Variants in ATP10B observed in about 807,000 individuals in gnomAD.
ATP10B encodes ATPase phospholipid transporting 10B (putative).
A neutral mutation model predicts 141.2 loss-of-function variants in ATP10B; 122 were observed. The observed-to-expected ratio is 0.86, with a 90% CI of 0.75 to 1.00. The LOEUF (loss-of-function observed/expected upper bound fraction) is 1.00. Among genes scored for constraint, ATP10B ranks in the 50% least tolerant of loss-of-function variants. ATP10B has a pLI of 0.00. For synonymous variants in ATP10B, 685 were observed against 692.0 expected, an observed-to-expected ratio of 0.99 and a Z score of 0.16; for missense variants, 1,876 against 1,825.3, an observed-to-expected ratio of 1.03 and a Z score of -0.51.
chr5:160,927,257 A>G, the ATP10B span, among the ~76,000 whole-genome samples: 2 of 152,210 alleles, frequency 1.3e-5, no homozygotes, highest in South Asian at 4.1e-4. Context: ...GGCTTGATAA[A>G]GCAGGGTAAA....
chr5:160,813,144 G>C (rs1773294231), intron 1 of ATP10B, among the ~76,000 whole-genome samples: 1 of 152,230 alleles, frequency 6.6e-6, no homozygotes, highest in Non-Finnish European at 1.5e-5. Context: ...ATGCAGGACA[G>C]TGGGTGCAGT....
intron 22 of ATP10B, among the ~76,000 whole-genome samples, chr5:160,592,839 C>T (rs535129314): frequency 1.3e-3 from 200 of 152,310 alleles, no homozygotes; most frequent in African/African-American, 2.5e-3. Context: ...GATCAAACTG[C>T]AAGGCAGCAG....
At chr5:160,609,498 C>T (rs910309444) in intron 18 of ATP10B, among the ~76,000 whole-genome samples, 2 of 151,994 alleles carry the variant, frequency 1.3e-5, no homozygotes, top group Non-Finnish European at 2.9e-5. Context: ...CATGCCTCAG[C>T]CTCCCAAGTA....
chr5:160,756,543 GT>G (rs985112908), intron 2 of ATP10B, among the ~76,000 whole-genome samples: 2 of 152,114 alleles, frequency 1.3e-5, no homozygotes, highest in African/African-American at 4.8e-5. Flanking sequence ...TTGGTATAGT[GT>G]TTTTAATTTT....
intron 7 of ATP10B, among the ~76,000 whole-genome samples, chr5:160,653,139 AAT>A (rs1194958401): frequency 7.6e-6 from 1 of 131,144 alleles, no homozygotes; most frequent in African/African-American, 2.8e-5. Context: ...TGTATACATA[AAT>A]ATATATTATA....
upstream of ATP10B, chr5:160,852,348 C>G (rs1325120049): frequency 6.6e-6 from 1 of 152,132 alleles, no homozygotes; most frequent in Non-Finnish European, 1.5e-5. Flanking sequence ...AATGAGCCAG[C>G]AATATCAAAA....
intron 18 of ATP10B, 73 bp downstream of exon 18, chr5:160,612,668 C>T (rs1757781677): frequency 7.3e-7 from 1 of 1,363,706 alleles, no homozygotes; most frequent in Non-Finnish European, 1.0e-6. Flanking sequence ...CACCTAGAAG[C>T]CTGTGTCCTC....
chr5:160,799,913 C>G (rs1246219612), intron 1 of ATP10B, among the ~76,000 whole-genome samples: 1 of 152,182 alleles, frequency 6.6e-6, no homozygotes, highest in African/African-American at 2.4e-5. Flanking sequence ...GGAATTTGAA[C>G]CTCAGTCTTT....
chr5:160,820,181 T>C (rs1022549936), intron 1 of ATP10B, among the ~76,000 whole-genome samples: 3 of 149,732 alleles, frequency 2.0e-5, no homozygotes, highest in East Asian at 3.9e-4. Flanking sequence ...AAATCAGAGA[T>C]GAAAAAGTAG....
chr5:160,662,493 A>G (rs545299082), intron 7 of ATP10B, among the ~76,000 whole-genome samples: 29 of 152,334 alleles, frequency 1.9e-4, no homozygotes, highest in African/African-American at 6.7e-4. Flanking sequence ...ATAATGCCAC[A>G]TATCTACAAC....
At position 160,622,537 on chromosome 5, in the gene ATP10B, C is replaced by T; in HGVS notation, c.1669G>A (p.Ala557Thr). The change falls in exon 14 of 26, where the codon GCT becomes ACT. Residue 557 changes from alanine (A) to threonine (T), a missense_variant. Transcript: ENST00000327245. ...GACAAGGTCTCCAACCACAGGGCAG[C>T]ATCTCGAACCTTGGTCAGTAGGTTT... Reference protein sequence around the residue: ...DKNLLTKVRDAALWLETLSDS... With the variant: ...DKNLLTKVRDTALWLETLSDS... The T allele has an allele frequency of 6.2e-7, 1 of 1,613,944 alleles. No homozygotes were observed. Among genetic ancestry groups the T allele is most frequent in the Non-Finnish European group, 8.5e-7 (1 of 1,179,954 alleles).
intron 8 of ATP10B, among the ~76,000 whole-genome samples, chr5:160,647,255 A>G (rs555230638): frequency 1.7e-4 from 26 of 152,240 alleles, no homozygotes; most frequent in African/African-American, 5.5e-4. Flanking sequence ...CAGAGGCATC[A>G]GACCAGTGGG....
intron 7 of ATP10B, among the ~76,000 whole-genome samples, chr5:160,667,173 G>A (rs1304725799): frequency 2.0e-5 from 3 of 152,108 alleles, no homozygotes; most frequent in Non-Finnish European, 2.9e-5. Context: ...AGCAGAGATC[G>A]TGCCACTGCA....
intron 8 of ATP10B, among the ~76,000 whole-genome samples, chr5:160,646,046 G>T (rs560210783): frequency 6.6e-6 from 1 of 152,288 alleles, no homozygotes; most frequent in Admixed American, 6.5e-5. Flanking sequence ...TTGACTCTTT[G>T]TGGTCTGGGA....
At chr5:160,773,271 C>CA (rs891940629) in intron 2 of ATP10B, among the ~76,000 whole-genome samples, 1 of 152,128 alleles carries the variant, frequency 6.6e-6, no homozygotes, top group African/African-American at 2.4e-5. Flanking sequence ...CTAATGGAAG[C>CA]AAATAGCTTT....
intron 24 of ATP10B, among the ~76,000 whole-genome samples, chr5:160,583,466 C>T (rs1319511091): frequency 1.3e-5 from 2 of 152,218 alleles, no homozygotes; most frequent in Admixed American, 6.5e-5. Context: ...GGGGCACCCA[C>T]CAGATGCCAG....
In ATP10B at chr5:160,765,373, C is replaced by T. The variant is rs371943648; in HGVS notation, c.-331+20186G>A. Reference sequence around the variant, plus strand: ...ACAGCATGGTACTCGTATAAAAACACCAATGGAACAGAATAGAGAACTCAG... The same window carrying T: ...ACAGCATGGTACTCGTATAAAAACATCAATGGAACAGAATAGAGAACTCAG... On this transcript the variant is annotated intron_variant, in intron 2 of 25. Transcript: ENST00000327245. Among the ~76,000 whole-genome samples, 34 of 151,428 alleles carry T rather than the reference C, an allele frequency of 2.2e-4. No individual in the cohort carries two copies. In the South Asian group the frequency reaches 7.1e-3, roughly 31 times the overall value.
rs1316202159 is a variant in ATP10B at position 160,653,366 on chromosome 5, G to A, written c.676-4110C>T. 1.8e-4 allele frequency among the ~76,000 whole-genome samples: 12 copies of A among 68,028 alleles called. 1 individual carries two copies. The highest frequency in any genetic ancestry group is 4.9e-4 in the African/African-American group (9 of 18,272). The allele number at this position is 68,028 out of a possible 152,430, so 44.6% of individuals were successfully genotyped here. Reference sequence around the variant, plus strand: ...ATACATAGGTAGTATATATACATACGTACATACATACATAGGTAGTATATA... The same window carrying A: ...ATACATAGGTAGTATATATACATACATACATACATACATAGGTAGTATATA... On this transcript the variant is annotated intron_variant, in intron 7 of 25. Coordinates refer to ENST00000327245, the MANE Select transcript of ATP10B (RefSeq NM_025153.3).
chr5:160,784,776 A>G (rs552075253), intron 2 of ATP10B, among the ~76,000 whole-genome samples: 23 of 152,246 alleles, frequency 1.5e-4, no homozygotes, highest in African/African-American at 5.5e-4. Flanking sequence ...TACCTTTATA[A>G]GCTTTCCTCT....
Sources: allele counts gnomAD v4.1 joint callset (sites outside exome capture counted in the v4.1 genomes callset), GRCh38; gene constraint gnomAD v4.1.1; transcripts MANE v1.5; gene names NCBI Gene and HGNC (gene_info 2026-07-23, HGNC 2026-07-21).